RMDN2: variants seen among roughly 807,000 people sequenced by gnomAD.
RMDN2 encodes regulator of microtubule dynamics 2.
In RMDN2, 61 loss-of-function variants were observed where a neutral mutation model predicts 52.8. The observed-to-expected ratio is 1.16, with a 90% CI of 0.94 to 1.43. The LOEUF is 1.43. RMDN2 is among the 40% of genes most tolerant of loss of function. The pLI is 0.00. For missense variants in RMDN2, 592 were observed against 475.3 expected (o/e 1.25, Z -2.28); for synonymous variants, 180 against 153.1 (o/e 1.18, Z -1.30).
intron 5 of RMDN2, among the ~76,000 whole-genome samples, chr2:37,983,627 C>G (rs577953460): frequency 6.6e-6 from 1 of 152,090 alleles, no homozygotes; most frequent in South Asian, 2.1e-4. Flanking sequence ...ATGCAAAAGT[C>G]CTCCTTAAAT....
downstream of RMDN2, among the ~76,000 whole-genome samples, chr2:38,021,212 T>G (rs1679344740): frequency 6.6e-6 from 1 of 152,156 alleles, no homozygotes; most frequent in African/African-American, 2.4e-5. Context: ...CTTTTGTGTC[T>G]AGCTCAGGGA....
chr2:38,051,094 A>T (rs1289923164), intron 10 of RMDN2, among the ~76,000 whole-genome samples: 1 of 152,166 alleles, frequency 6.6e-6, no homozygotes, highest in Non-Finnish European at 1.5e-5. Flanking sequence ...CCTCTTTAGG[A>T]AAGACATCAC....
At chr2:37,959,047 G>C (rs1472117167) in intron 2 of RMDN2, among the ~76,000 whole-genome samples, 1 of 150,974 alleles carries the variant, frequency 6.6e-6, no homozygotes, top group South Asian at 2.1e-4. Context: ...TGCTGGATTT[G>C]GTTTGCCAGT....
At position 37,987,675 on chromosome 2, in the gene RMDN2, T is replaced by A. The variant is rs190537298; in HGVS notation, c.792-1866T>A. On this transcript the variant is annotated intron_variant, in intron 5 of 10. Coordinates refer to ENST00000354545, the MANE Select transcript of RMDN2 (RefSeq NM_001170791.3). ...TATTAAACACCAAGTACAAACCATA[T>A]TGTAAACTACGGACTTTGGATGTTA... Among the ~76,000 whole-genome samples, 318 of 152,330 alleles carry A rather than the reference T, an allele frequency of 2.1e-3. 1 individual carries two copies. Among genetic ancestry groups the A allele is most frequent in the African/African-American group, 7.2e-3 (301 of 41,578 alleles).
At chr2:37,989,963 G>C (rs1674541446) in intron 6 of RMDN2, among the ~76,000 whole-genome samples, 1 of 151,988 alleles carries the variant, frequency 6.6e-6, no homozygotes, top group East Asian at 1.9e-4. Context: ...CGAACACTGT[G>C]AAGCCCCATC....
At chr2:38,057,543 C>G (rs1681894600) in intron 10 of RMDN2, among the ~76,000 whole-genome samples, 1 of 152,336 alleles carries the variant, frequency 6.6e-6, no homozygotes, top group Non-Finnish European at 1.5e-5. Context: ...GGAGATTCAT[C>G]TTACCAAGAT....
intron 2 of RMDN2, among the ~76,000 whole-genome samples, chr2:37,938,719 T>G (rs936286459): frequency 1.3e-5 from 2 of 152,226 alleles, no homozygotes; most frequent in Admixed American, 6.5e-5. Context: ...TAGTTTGTAT[T>G]TTTGTGGAAT....
intron 4 of RMDN2, among the ~76,000 whole-genome samples, chr2:37,976,852 A>AT (rs1000516365): frequency 2.9e-4 from 44 of 151,234 alleles, no homozygotes; most frequent in African/African-American, 1.0e-3. Flanking sequence ...TTTTTTTTAA[A>AT]TTTTTTTAGT....
intron 8 of RMDN2, 107 bp from the exon 9 acceptor site, chr2:38,003,884 C>T (rs1676692621): frequency 3.6e-6 from 3 of 834,860 alleles, no homozygotes; most frequent in Non-Finnish European, 4.0e-6. Context: ...ATTCTTAGGG[C>T]AGTTTGGTTC....
At chr2:37,950,640 A>C in intron 2 of RMDN2, 1 of 1,594,586 alleles carries the variant, frequency 6.3e-7, no homozygotes, top group Non-Finnish European at 8.6e-7. Flanking sequence ...AAGAACATTG[A>C]AAATATTCAT....
chr2:38,024,050 T>C (rs976170722), intron 10 of RMDN2, among the ~76,000 whole-genome samples: 6 of 152,148 alleles, frequency 3.9e-5, no homozygotes, highest in Non-Finnish European at 5.9e-5. Context: ...TATACACCCC[T>C]TTGTCTGACT....
At chr2:38,007,562 C>T (rs1460486126) in intron 10 of RMDN2, among the ~76,000 whole-genome samples, 1 of 152,144 alleles carries the variant, frequency 6.6e-6, no homozygotes, top group African/African-American at 2.4e-5. Context: ...TCCCCTTTAT[C>T]ATTTTTTATT....
At chr2:37,951,360 T>C in intron 2 of RMDN2, 1 of 1,613,294 alleles carries the variant, frequency 6.2e-7, no homozygotes, top group Non-Finnish European at 8.5e-7. Context: ...AACATCTTAT[T>C]CCCCTGTAAC....
chr2:38,042,213 A>G (rs542429648), intron 10 of RMDN2, among the ~76,000 whole-genome samples: 4 of 152,210 alleles, frequency 2.6e-5, no homozygotes, highest in Non-Finnish European at 5.9e-5. Context: ...AGTTCATCTA[A>G]GTTATCAAAT....
chr2:37,991,093 A>G (rs978830071), intron 6 of RMDN2, 127 bp from the exon 7 acceptor site: 4 of 431,918 alleles, frequency 9.3e-6, no homozygotes, highest in Non-Finnish European at 1.7e-5. Flanking sequence ...TCATTGTATT[A>G]ATGATAGGGA....
rs761690287 is a variant in RMDN2, at chr2:37,929,365, GT to G, written c.89del (p.Val30AlafsTer6). On this transcript the variant is annotated frameshift_variant, in exon 2 of 11. Transcript: ENST00000354545. LOFTEE classifies it high-confidence loss of function. ...CTTGCTGCTCTTGTGGTACCACAAG[GT>G]CCGTAAACCAGGGATAGCAATGAAG... Reference protein sequence around the residue: ...ISLLLLWYHKVRKPGIAMKLP... With the variant: ...ISLLLLWYHKXRKPGIAMKLP... 3.6e-5 allele frequency: 56 copies of G among 1,550,858 alleles called. No individual in the cohort carries two copies. Among genetic ancestry groups the G allele is most frequent in the Non-Finnish European group, 4.2e-5 (48 of 1,145,974 alleles).
chr2:37,943,235 T>C (rs1429963269), intron 2 of RMDN2, among the ~76,000 whole-genome samples: 1 of 152,192 alleles, frequency 6.6e-6, no homozygotes, highest in East Asian at 1.9e-4. Flanking sequence ...CAGAACTTTC[T>C]GGAACCAGTA....
At chr2:37,932,211 C>T (rs59442246) in intron 2 of RMDN2, among the ~76,000 whole-genome samples, 2,170 of 149,506 alleles carry the variant, frequency 0.015, 51 homozygotes, top group African/African-American at 0.049. Flanking sequence ...ACCCTGCGGC[C>T]TTCCGCAGTG....
intron 2 of RMDN2, chr2:37,952,007 G>T (rs1668882000): frequency 9.9e-6 from 16 of 1,612,998 alleles, no homozygotes; most frequent in Non-Finnish European, 1.4e-5. Context: ...CTCCAATCAT[G>T]ATTCCACAGC....
Sources: allele counts gnomAD v4.1 joint callset (sites outside exome capture counted in the v4.1 genomes callset), GRCh38; gene constraint gnomAD v4.1.1; transcripts MANE v1.5; gene names NCBI Gene and HGNC (gene_info 2026-07-23, HGNC 2026-07-21).